SERHL2: variants seen among roughly 807,000 people sequenced by gnomAD.
SERHL2 encodes serine hydrolase-like protein 2.
Under a neutral mutation model 25.5 loss-of-function variants are expected in SERHL2, and 29 were observed. The observed-to-expected ratio is 1.14, with a 90% confidence interval of 0.85 to 1.55. The LOEUF (loss-of-function observed/expected upper bound fraction) is 1.55. SERHL2 is among the 40% of genes most tolerant of loss of function. The pLI is 0.00. For missense variants in SERHL2, 240 were observed against 252.3 expected, an observed-to-expected ratio of 0.95 and a Z score of 0.33; for synonymous variants, 95 against 103.5, an observed-to-expected ratio of 0.92 and a Z score of 0.50.
chr22:42,561,470 C>A (rs140196326), intron 8 of SERHL2, among the ~76,000 whole-genome samples: 1 of 148,628 alleles, frequency 6.7e-6, no homozygotes, highest in Admixed American at 6.7e-5. Flanking sequence ...GGGTCAGAAA[C>A]TCCAGCACCT....
intron 8 of SERHL2, among the ~76,000 whole-genome samples, chr22:42,562,169 G>A (rs116633173): frequency 2.6e-5 from 4 of 151,718 alleles, no homozygotes; most frequent in Non-Finnish European, 5.9e-5. Context: ...CCTAAAAGAA[G>A]ACAGTACCCA....
In SERHL2 at chr22:42,572,474, C is replaced by G. The variant is rs997316364; in HGVS notation, c.770C>G (p.Ser257Cys). 6.2e-7 allele frequency: 1 copy of G among 1,611,980 alleles called. No homozygotes were observed. The highest frequency in any genetic ancestry group is 8.5e-7 in the Non-Finnish European group (1 of 1,178,302). ...HGYFDSRQNY[S>C]EKESLSFMID... The stretch of plus-strand genomic sequence containing the variant: ...TATTTTGATTCAAGACAGAATTACT[C>G]TGAGAAGGAGTCCCTGTCGTTCATG... The change falls in exon 11 of 12, where the codon TCT becomes TGT. Residue 257 changes from serine to cysteine, a missense_variant. Coordinates refer to ENST00000327678, the MANE Select transcript of SERHL2 (RefSeq NM_014509.5).
At chr22:42,559,544 T>C (rs1158492714) in intron 7 of SERHL2, among the ~76,000 whole-genome samples, 1 of 151,422 alleles carries the variant, frequency 6.6e-6, no homozygotes, top group Non-Finnish European at 1.5e-5. Context: ...TACTAAAAAA[T>C]ACAAAAAATT....
In SERHL2 at chr22:42,566,345, A is replaced by G. The variant is rs367934730; in HGVS notation, c.648+7A>G. ...AGACCAGAGGCTCGCCTGGGTGAGT[A>G]CCACTGCCTCCGGGTCCCCCGCCAA... On this transcript the variant is annotated splice_region_variant and intron_variant, in intron 9 of 11. Coordinates refer to ENST00000327678, the MANE Select transcript of SERHL2 (RefSeq NM_014509.5). 1.4e-5 allele frequency: 22 copies of G among 1,611,216 alleles called. No individual in the cohort carries two copies. The highest frequency in any genetic ancestry group is 1.7e-5 in the Admixed American group (1 of 59,988).
At position 42,567,681 on chromosome 22, in the gene SERHL2, T is replaced by A. The variant is rs200364203; in HGVS notation, c.648+1343T>A. 5.8e-3 allele frequency among the ~76,000 whole-genome samples: 696 copies of A among 119,402 alleles called. 7 individuals carry two copies. The highest frequency in any genetic ancestry group is 0.02 in the African/African-American group (549 of 27,558). The allele number at this position is 119,402 out of a possible 152,430, so 78.3% of individuals were successfully genotyped here. On this transcript the variant is annotated intron_variant, in intron 9 of 11. Coordinates refer to ENST00000327678, the MANE Select transcript of SERHL2 (RefSeq NM_014509.5). ...GCGAGACTCCATGTCAAAAAAAAAATAAATAAATAAAAAAAATAAAAGTTC... is the reference window on the plus strand; with the variant it reads ...GCGAGACTCCATGTCAAAAAAAAAAAAAATAAATAAAAAAAATAAAAGTTC...
At chr22:42,561,722 G>A (rs1488100746) in intron 8 of SERHL2, among the ~76,000 whole-genome samples, 4 of 151,840 alleles carry the variant, frequency 2.6e-5, no homozygotes, top group African/African-American at 7.3e-5. Flanking sequence ...TCCCCCGAGG[G>A]TCTAAGGAGC....
At chr22:42,561,093 C>CT (rs1178620512) in intron 8 of SERHL2, among the ~76,000 whole-genome samples, 1 of 151,914 alleles carries the variant, frequency 6.6e-6, no homozygotes, top group East Asian at 1.9e-4. Context: ...GGAAGAGAAG[C>CT]AGATGATACA....
At chr22:42,554,268 G>A (rs1259036814) in intron 1 of SERHL2, among the ~76,000 whole-genome samples, 1 of 152,118 alleles carries the variant, frequency 6.6e-6, no homozygotes, top group Non-Finnish European at 1.5e-5. Flanking sequence ...CCCTGAGTTA[G>A]CCGAGCGTGC....
At chr22:42,568,118 G>A (rs1321098422) in intron 9 of SERHL2, among the ~76,000 whole-genome samples, 2 of 151,804 alleles carry the variant, frequency 1.3e-5, no homozygotes, top group Non-Finnish European at 2.9e-5. Context: ...CAACCTCCTG[G>A]GCTGAAGTGA....
At chr22:42,560,454 C>T (rs1178384336) in intron 8 of SERHL2, among the ~76,000 whole-genome samples, 189 bp downstream of exon 8, 4 of 151,918 alleles carry the variant, frequency 2.6e-5, no homozygotes, top group Non-Finnish European at 4.4e-5. Context: ...CCAAGCAACC[C>T]GGGTGAGGCC....
intron 11 of SERHL2, 163 bp downstream of exon 11, chr22:42,572,692 T>A (rs941792847): frequency 2.0e-6 from 2 of 984,720 alleles, no homozygotes; most frequent in Admixed American, 1.2e-4. Flanking sequence ...GGTCAGTCCC[T>A]AGAGGCCTAG....
chr22:42,570,675 G>T (rs564774288), intron 9 of SERHL2, among the ~76,000 whole-genome samples: 71 of 152,288 alleles, frequency 4.7e-4, no homozygotes, highest in African/African-American at 1.7e-3. Context: ...CCTGCACTGT[G>T]GTCCCAGCAA....
At chr22:42,572,984 A>G (rs1924450150) in intron 11 of SERHL2, among the ~76,000 whole-genome samples, 2 of 151,738 alleles carry the variant, frequency 1.3e-5, no homozygotes, top group Non-Finnish European at 2.9e-5. Flanking sequence ...CGCACATTTT[A>G]CAGGCTCCCA....
intron 9 of SERHL2, chr22:42,569,324 G>A (rs1397361289): frequency 1.3e-5 from 2 of 151,460 alleles, no homozygotes; most frequent in Non-Finnish European, 2.9e-5. Context: ...GGTGGCCCGA[G>A]TTTGGCTGCC....
Position 42,571,113 on chromosome 22 carries a change from C to T in SERHL2, c.649-8C>T. ...TGACGAGAATTCACCATGTTTTTGT[C>T]TCTGCAGGCAGAGAACAGCATTGAC... On this transcript the variant is annotated splice_region_variant and splice_polypyrimidine_tract_variant and intron_variant, in intron 9 of 11. Transcript: ENST00000327678. 3.1e-6 allele frequency: 5 copies of T among 1,613,316 alleles called. No individual in the cohort carries two copies. The highest frequency in any genetic ancestry group is 1.7e-4 in the Middle Eastern group (1 of 6,060).
Position 42,568,101 on chromosome 22 carries a change from A to G in SERHL2, c.648+1763A>G, listed in dbSNP as rs3985932. Among the ~76,000 whole-genome samples, 654 of 151,898 alleles carry G rather than the reference A, an allele frequency of 4.3e-3. 6 individuals carry two copies. Among genetic ancestry groups the G allele is most frequent in the Middle Eastern group, 6.8e-3 (2 of 292 alleles). ...GTGCCATGGCTCAATTATGGCTCAC[A>G]CAGCTTCAACCTCCTGGGCTGAAGT... On this transcript the variant is annotated intron_variant, in intron 9 of 11. Transcript: ENST00000327678.
Position 42,571,142 on chromosome 22 carries a change from A to G in SERHL2, c.670A>G (p.Ile224Val), listed in dbSNP as rs201866907. The G allele has an allele frequency of 2.6e-4, 426 of 1,612,752 alleles. 2 individuals are homozygous for G. The highest frequency in any genetic ancestry group is 8.2e-4 in the East Asian group (37 of 44,858). The change falls in exon 10 of 12, where the codon ATC becomes GTC. Residue 224 changes from isoleucine (I) to valine (V), a missense_variant. Physicochemically the swap from Ile to Val is conservative, Grantham distance 29. This residue lies in a region of SERHL2 where 212 missense variants were observed against 168.9 expected (regional missense o/e 1.25). Coordinates refer to ENST00000327678, the MANE Select transcript of SERHL2 (RefSeq NM_014509.5). ...GCAGGCAGAGAACAGCATTGACTTCATCAGCAGGGAGCTGTGTGCGCATTC... is the reference window on the plus strand; with the variant it reads ...GCAGGCAGAGAACAGCATTGACTTCGTCAGCAGGGAGCTGTGTGCGCATTC... ...LAWAENSIDF[I>V]SRELCAHSIR...
Position 42,574,349 on chromosome 22 carries a change from A to G in SERHL2, c.*294A>G, listed in dbSNP as rs1227720111. On this transcript the variant is annotated 3_prime_UTR_variant, in exon 12 of 12. Coordinates refer to ENST00000327678, the MANE Select transcript of SERHL2 (RefSeq NM_014509.5). ...CCACCTAGCCTTTCCCTGCTGCCCA[A>G]CTGGATGGAAAATAAAAGGTTCTTG... 7.8e-6 allele frequency: 4 copies of G among 511,880 alleles called. No individual in the cohort carries two copies. Among genetic ancestry groups the G allele is most frequent in the African/African-American group, 1.9e-5 (1 of 51,794 alleles). 31.7% of individuals were successfully genotyped at this position (511,880 alleles called of 1,614,324 possible). A position where few individuals can be genotyped will look rare whatever the true frequency, so the allele number is the denominator to read the frequency against.
intron 8 of SERHL2, chr22:42,563,459 C>G: frequency 2.3e-6 from 1 of 443,504 alleles, no homozygotes; most frequent in East Asian, 7.4e-5. Flanking sequence ...CTGACTCGAC[C>G]TCCCAAAATG....
Sources: allele counts gnomAD v4.1 joint callset (sites outside exome capture counted in the v4.1 genomes callset), GRCh38; gene constraint gnomAD v4.1.1; regional missense constraint gnomAD v4.1.1; transcripts MANE v1.5; gene names NCBI Gene and HGNC (gene_info 2026-07-23, HGNC 2026-07-21).